Variants in NOTCH2NLA observed in about 807,000 individuals in gnomAD.
NOTCH2NLA encodes the protein notch 2 N-terminal like A, also known as notch homolog 2 N-terminal-like protein A.
At chr1:146,186,446 C>G (rs1553810220) in intron 2 of NOTCH2NLA, among the ~76,000 whole-genome samples, 1 of 145,174 alleles carries the variant, frequency 6.9e-6, no homozygotes, top group Non-Finnish European at 1.6e-5. Context: ...GCTCCGCCTC[C>G]TGGGTTCAGG....
intron 2 of NOTCH2NLA, among the ~76,000 whole-genome samples, chr1:146,171,398 T>G (rs1309225805): frequency 7.1e-6 from 1 of 140,760 alleles, no homozygotes; most frequent in African/African-American, 2.5e-5. Context: ...GCCACTGCAC[T>G]CCAGCCTGGG....
intron 2 of NOTCH2NLA, among the ~76,000 whole-genome samples, chr1:146,187,309 T>A (rs1228506754): frequency 2.3e-5 from 3 of 130,900 alleles, no homozygotes; most frequent in African/African-American, 7.7e-5. Context: ...TCCAAGTCTT[T>A]CCTACTGTAA....
intron 2 of NOTCH2NLA, among the ~76,000 whole-genome samples, chr1:146,172,778 G>T (rs1227844537): frequency 1.3e-5 from 2 of 150,116 alleles, no homozygotes; most frequent in African/African-American, 2.4e-5. Context: ...TGTCTTTGCT[G>T]TACCTTTCTC....
chr1:146,200,424 GAAA>G (rs1173459520), intron 1 of NOTCH2NLA, among the ~76,000 whole-genome samples: 12 of 16,426 alleles, frequency 7.3e-4, no homozygotes, highest in African/African-American at 3.7e-3. Context: ...CTCTGCCTGA[GAAA>G]AAAAAAAAAA....
rs1183146780 is a variant in NOTCH2NLA at position 146,203,963 on chromosome 1, TTTA to T, written c.-44-14585_-44-14583del. 1.3e-4 allele frequency among the ~76,000 whole-genome samples: 19 copies of T among 151,856 alleles called. No individual in the cohort carries two copies. In the East Asian group the frequency reaches 2.9e-3, roughly 23 times the overall value. ...ACTCCTCTGTTTTCCTTATGGCATT[TTTA>T]TTATCTGACACATATAGCAAACGTG... On this transcript the variant is annotated intron_variant, in intron 1 of 4. Coordinates refer to ENST00000362074, the Ensembl canonical transcript of NOTCH2NLA.
chr1:146,158,981 G>A (rs1661312477), intron 3 of NOTCH2NLA, among the ~76,000 whole-genome samples: 1 of 151,396 alleles, frequency 6.6e-6, no homozygotes, highest in Admixed American at 6.6e-5. Flanking sequence ...GTCACTAAGA[G>A]GCACTTATTT....
At chr1:146,170,926 C>T (rs391102) in intron 2 of NOTCH2NLA, among the ~76,000 whole-genome samples, 24 of 138,880 alleles carry the variant, frequency 1.7e-4, no homozygotes, top group African/African-American at 5.2e-4. Flanking sequence ...CTATGCTTAA[C>T]AGTAGTAATA....
chr1:146,200,641 G>A (rs1343372912), intron 1 of NOTCH2NLA, among the ~76,000 whole-genome samples: 25 of 121,724 alleles, frequency 2.1e-4, no homozygotes, highest in Non-Finnish European at 3.7e-4. Context: ...TCTTAAAAAC[G>A]CCAGTCCTCC....
In NOTCH2NLA at chr1:146,180,839, T is replaced by C. The variant is rs868949773; in HGVS notation, c.38+8461A>G. Among the ~76,000 whole-genome samples, 882 of 119,384 alleles carry C rather than the reference T, an allele frequency of 7.4e-3. 6 individuals carry two copies. The highest frequency in any genetic ancestry group is 0.02 in the African/African-American group (727 of 36,902). The allele number at this position is 119,384 out of a possible 152,430, so 78.3% of individuals were successfully genotyped here. A position where few individuals can be genotyped will look rare whatever the true frequency, so the allele number is the denominator to read the frequency against. On this transcript the variant is annotated intron_variant, in intron 2 of 4. Coordinates refer to ENST00000362074, the Ensembl canonical transcript of NOTCH2NLA. ...TGCTTGGAAATTTTTAGATGATTACTTTTTCTCATATTCTGATATCCCCCA... is the reference window on the plus strand; with the variant it reads ...TGCTTGGAAATTTTTAGATGATTACCTTTTCTCATATTCTGATATCCCCCA...
At chr1:146,188,165 AAAG>A (rs1471711695) in intron 2 of NOTCH2NLA, among the ~76,000 whole-genome samples, 2 of 118,060 alleles carry the variant, frequency 1.7e-5, no homozygotes, top group African/African-American at 5.5e-5. Context: ...CCACCAAAGC[AAAG>A]AAGAACTACT....
At chr1:146,177,785 ACT>A (rs1662332794) in intron 2 of NOTCH2NLA, among the ~76,000 whole-genome samples, 1 of 136,172 alleles carries the variant, frequency 7.3e-6, no homozygotes, top group Non-Finnish European at 1.7e-5. Context: ...AAGTGTGATG[ACT>A]CTATAATCTT....
intron 2 of NOTCH2NLA, among the ~76,000 whole-genome samples, chr1:146,180,589 A>G (rs1213255189): frequency 1.4e-5 from 2 of 143,394 alleles, no homozygotes; most frequent in African/African-American, 4.9e-5. Context: ...AATCCAATAG[A>G]AATTTTAATT....
rs1348426940 is a variant in NOTCH2NLA at position 146,194,819 on chromosome 1, G to A, written c.-44-5438C>T. ...GATCAGAGCTTACCTTACGTGCCCA[G>A]TATTACTCCCCACCACTTCCACTGC... On this transcript the variant is annotated intron_variant, in intron 1 of 4. Coordinates refer to ENST00000362074, the Ensembl canonical transcript of NOTCH2NLA. 1.9e-5 allele frequency among the ~76,000 whole-genome samples: 2 copies of A among 105,088 alleles called. 1 individual carries two copies. Among genetic ancestry groups the A allele is most frequent in the East Asian group, 7.3e-4 (2 of 2,756 alleles). The allele number at this position is 105,088 out of a possible 152,430, so 68.9% of individuals were successfully genotyped here. A position where few individuals can be genotyped will look rare whatever the true frequency, so the allele number is the denominator to read the frequency against.
intron 3 of NOTCH2NLA, among the ~76,000 whole-genome samples, chr1:146,162,433 T>C (rs1171610149): frequency 7.6e-5 from 11 of 144,294 alleles, no homozygotes; most frequent in African/African-American, 2.9e-4. Flanking sequence ...AATTGAAGGA[T>C]ACAAAATATT....
intron 3 of NOTCH2NLA, among the ~76,000 whole-genome samples, chr1:146,159,317 C>T (rs1553803657): frequency 6.7e-6 from 1 of 148,906 alleles, no homozygotes; most frequent in Non-Finnish European, 1.5e-5. Flanking sequence ...GAGACTGCGC[C>T]ACTGTACTAA....
At chr1:146,180,669 G>A (rs150464593) in intron 2 of NOTCH2NLA, among the ~76,000 whole-genome samples, 2,055 of 142,758 alleles carry the variant, frequency 0.014, 66 homozygotes, top group African/African-American at 0.047. Flanking sequence ...TAACACAGTC[G>A]CATGTGCACA....
intron 2 of NOTCH2NLA, among the ~76,000 whole-genome samples, chr1:146,174,486 A>G (rs1200477298): frequency 2.7e-5 from 4 of 149,402 alleles, no homozygotes; most frequent in Admixed American, 2.0e-4. Flanking sequence ...ATCCCACCAC[A>G]TACAAGAAGA....
At chr1:146,185,165 T>C (rs1316127344) in intron 2 of NOTCH2NLA, among the ~76,000 whole-genome samples, 19 of 136,382 alleles carry the variant, frequency 1.4e-4, no homozygotes, top group Non-Finnish European at 2.9e-4. Context: ...ACAATAAATG[T>C]CCTTAAAATA....
intron 2 of NOTCH2NLA, among the ~76,000 whole-genome samples, chr1:146,172,751 T>G (rs1233096234): frequency 2.6e-5 from 4 of 151,662 alleles, no homozygotes; most frequent in African/African-American, 7.2e-5. Flanking sequence ...GGTTCTTCTT[T>G]ATTTAAGCCA....
Sources: allele counts gnomAD v4.1 joint callset (sites outside exome capture counted in the v4.1 genomes callset), GRCh38; gene constraint gnomAD v4.1.1; transcripts MANE v1.5; gene names NCBI Gene and HGNC (gene_info 2026-07-23, HGNC 2026-07-21).